The following PDE1A variants were observed in gnomAD, a reference collection of about 807,000 sequenced individuals.
PDE1A encodes dual specificity calcium/calmodulin-dependent 3',5'-cyclic nucleotide phosphodiesterase 1A.
Under a neutral mutation model 61.7 loss-of-function variants are expected in PDE1A, and 35 were observed. That is an observed-to-expected ratio of 0.57 (90% CI 0.43 to 0.75). The LOEUF is 0.75. Ranked by LOEUF, PDE1A falls within the 30% of genes least tolerant of loss-of-function variation. The pLI is 0.00. For missense variants in PDE1A, 597 were observed against 630.6 expected (o/e 0.95, Z 0.57); for synonymous variants, 232 against 213.2 (o/e 1.09, Z -0.77).
chr2:182,173,846 G>C (rs1164549433), intron 13 of PDE1A, among the ~76,000 whole-genome samples: 1 of 151,962 alleles, frequency 6.6e-6, no homozygotes. Context: ...TAAAAAGATA[G>C]TGGAAAGGAA....
intron 13 of PDE1A, among the ~76,000 whole-genome samples, chr2:182,156,911 T>C (rs1336655338): frequency 6.6e-6 from 1 of 151,906 alleles, no homozygotes; most frequent in Non-Finnish European, 1.5e-5. Context: ...TAAGTATCTA[T>C]GCTTAAAAAA....
the PDE1A span, among the ~76,000 whole-genome samples, chr2:182,540,272 G>A: frequency 6.3e-4 from 95 of 150,450 alleles, no homozygotes; most frequent in Admixed American, 1.1e-3. Flanking sequence ...CCTGAGGCAG[G>A]AGAATTGCTT....
chr2:182,493,580 T>C (rs1408427076), intron 2 of PDE1A, among the ~76,000 whole-genome samples: 1 of 152,176 alleles, frequency 6.6e-6, no homozygotes, highest in African/African-American at 2.4e-5. Context: ...ACTGGGTATA[T>C]ACCCAAAGGA....
chr2:182,398,897 T>A (rs972219391), intron 1 of PDE1A, among the ~76,000 whole-genome samples: 6 of 152,028 alleles, frequency 3.9e-5, no homozygotes, highest in Non-Finnish European at 7.4e-5. Context: ...GTTACATGGG[T>A]TTGAATTTCA....
intron 13 of PDE1A, among the ~76,000 whole-genome samples, chr2:182,152,168 G>A (rs1690819635): frequency 6.6e-6 from 1 of 151,954 alleles, no homozygotes; most frequent in East Asian, 1.9e-4. Context: ...ATTTCCTTAG[G>A]CATATCTCTA....
At chr2:182,407,255 C>A (rs1249297868) in intron 1 of PDE1A, among the ~76,000 whole-genome samples, 2 of 152,252 alleles carry the variant, frequency 1.3e-5, no homozygotes, top group East Asian at 3.9e-4. Flanking sequence ...ACTAAAAAAT[C>A]TTCATCAAAA....
chr2:182,389,632 A>G (rs1701309408), intron 1 of PDE1A, among the ~76,000 whole-genome samples: 1 of 152,228 alleles, frequency 6.6e-6, no homozygotes, highest in African/African-American at 2.4e-5. Context: ...AAAAGACAAA[A>G]GACAGTGTGA....
intron 2 of PDE1A, chr2:182,241,797 C>T (rs1256805994): frequency 6.7e-7 from 1 of 1,497,680 alleles, no homozygotes; most frequent in Admixed American, 2.0e-5. Flanking sequence ...CTGATTAATA[C>T]TTACTCTATA....
chr2:182,219,155 A>AGATAGAAAAGTCGTTT (rs1688507062), intron 7 of PDE1A, among the ~76,000 whole-genome samples: 1 of 152,110 alleles, frequency 6.6e-6, no homozygotes, highest in African/African-American at 2.4e-5. Context: ...TTTAAAATTA[A>AGATAGAAAAGTCGTTT]GATAGAAAAG....
intron 3 of PDE1A, among the ~76,000 whole-genome samples, chr2:182,236,924 A>G (rs776523478): frequency 6.6e-6 from 1 of 152,224 alleles, no homozygotes; most frequent in African/African-American, 2.4e-5. Context: ...TTCTAATTCT[A>G]TAATCAGGAA....
chr2:182,275,507 T>C (rs982811528), intron 1 of PDE1A, among the ~76,000 whole-genome samples: 5 of 152,098 alleles, frequency 3.3e-5, no homozygotes, highest in African/African-American at 1.2e-4. Context: ...AGAAAGTTTT[T>C]CTTGAGATTT....
chr2:182,419,523 A>G (rs2084546208), intron 1 of PDE1A, among the ~76,000 whole-genome samples: 1 of 151,862 alleles, frequency 6.6e-6, no homozygotes, highest in Admixed American at 6.6e-5. Flanking sequence ...TCATTCTTTA[A>G]TAAGGATTAG....
the PDE1A span, among the ~76,000 whole-genome samples, chr2:182,715,843 T>C: frequency 6.6e-6 from 1 of 152,154 alleles, no homozygotes; most frequent in South Asian, 2.1e-4. Context: ...ACTTCTCCTT[T>C]CTCCGCCAAA....
intron 1 of PDE1A, among the ~76,000 whole-genome samples, chr2:182,285,392 T>G (rs1335329485): frequency 6.6e-6 from 1 of 152,092 alleles, no homozygotes; most frequent in Non-Finnish European, 1.5e-5. Flanking sequence ...CGACCCTTAT[T>G]TGTACCAAAT....
At chr2:182,540,127 G>T in the PDE1A span, among the ~76,000 whole-genome samples, 1 of 152,088 alleles carries the variant, frequency 6.6e-6, no homozygotes, top group Non-Finnish European at 1.5e-5. Flanking sequence ...ACTTTGGGAG[G>T]CCGAGGCAGG....
chr2:182,466,876 GA>G (rs1290232847), intron 2 of PDE1A, among the ~76,000 whole-genome samples: 1 of 151,908 alleles, frequency 6.6e-6, no homozygotes, highest in Non-Finnish European at 1.5e-5. Context: ...CCTTATTTTT[GA>G]AAAGGCAACA....
At chr2:182,347,766 A>G (rs1016141668) in intron 1 of PDE1A, among the ~76,000 whole-genome samples, 2 of 152,152 alleles carry the variant, frequency 1.3e-5, no homozygotes, top group Non-Finnish European at 2.9e-5. Flanking sequence ...GTGCAAAGCC[A>G]TAGAAGAGAT....
intron 1 of PDE1A, among the ~76,000 whole-genome samples, chr2:182,318,688 G>A (rs920690830): frequency 6.6e-6 from 1 of 152,076 alleles, no homozygotes; most frequent in Admixed American, 6.6e-5. Flanking sequence ...TCACTTCAAT[G>A]CCTTGGAGAC....
At chr2:182,350,628 C>T (rs1698818441) in intron 1 of PDE1A, among the ~76,000 whole-genome samples, 3 of 152,090 alleles carry the variant, frequency 2.0e-5, no homozygotes, top group Admixed American at 2.0e-4. Context: ...TTTTTAATTG[C>T]TATATAATTA....
Sources: allele counts gnomAD v4.1 joint callset (sites outside exome capture counted in the v4.1 genomes callset), GRCh38; gene constraint gnomAD v4.1.1; transcripts MANE v1.5; gene names NCBI Gene and HGNC (gene_info 2026-07-23, HGNC 2026-07-21).